NDEL1: variants seen among roughly 807,000 people sequenced by gnomAD.
The protein encoded by NDEL1 is nuclear distribution protein nudE-like 1.
NDEL1 carries 9 observed loss-of-function variants against 45.7 expected under a neutral mutation model. The observed-to-expected ratio is 0.20, with a 90% confidence interval of 0.12 to 0.34. The LOEUF is 0.34. Ranked by LOEUF, NDEL1 falls within the 10% of genes least tolerant of loss-of-function variation. NDEL1 has a pLI of 1.00. For synonymous variants in NDEL1, 133 were observed against 158.6 expected (o/e 0.84, Z 1.21); for missense variants, 306 against 406.2 (o/e 0.75, Z 2.12).
chr17:8,463,136 C>G, intron 8 of NDEL1: 1 of 496,628 alleles, frequency 2.0e-6, no homozygotes, highest in Non-Finnish European at 3.6e-6. Flanking sequence ...CGCTTGGAGT[C>G]TCTCAAAAAC....
At chr17:8,435,809 C>T (rs1909271229), upstream of NDEL1, 1 of 433,644 alleles carries the variant, frequency 2.3e-6, no homozygotes, top group Non-Finnish European at 4.6e-6. Context: ...CACCCCGCCC[C>T]GCATACCCGT....
intron 1 of NDEL1, among the ~76,000 whole-genome samples, chr17:8,418,621 GGCT>G (rs1233892152): frequency 6.6e-6 from 1 of 151,622 alleles, no homozygotes; most frequent in Non-Finnish European, 1.5e-5. Context: ...AAAAGTTTAT[GGCT>G]GCTTCCTTCC....
At chr17:8,449,409 G>A (rs997448030) in intron 5 of NDEL1, among the ~76,000 whole-genome samples, 9 of 152,218 alleles carry the variant, frequency 5.9e-5, no homozygotes, top group African/African-American at 2.2e-4. Context: ...GATTATGGGT[G>A]TGAGCCACTG....
At chr17:8,434,801 G>A (rs1157263486), upstream of NDEL1, among the ~76,000 whole-genome samples, 1 of 152,036 alleles carries the variant, frequency 6.6e-6, no homozygotes, top group East Asian at 1.9e-4. Context: ...GCCGGGCGCT[G>A]TGTCTCACGC....
At chr17:8,417,363 C>A (rs1170836173) in intron 1 of NDEL1, among the ~76,000 whole-genome samples, 1 of 152,190 alleles carries the variant, frequency 6.6e-6, no homozygotes, top group East Asian at 1.9e-4. Context: ...CCACTGTGCG[C>A]AGCCTCTTTT....
At chr17:8,449,114 C>G (rs780099007) in intron 5 of NDEL1, among the ~76,000 whole-genome samples, 1 of 152,204 alleles carries the variant, frequency 6.6e-6, no homozygotes, top group African/African-American at 2.4e-5. Context: ...TCTCGAGTAG[C>G]TGGGATTACA....
At chr17:8,460,227 A>G in intron 8 of NDEL1, 67 bp downstream of exon 8, 1 of 1,517,850 alleles carries the variant, frequency 6.6e-7, no homozygotes, top group Admixed American at 2.1e-5. Flanking sequence ...AAGTGAGCAT[A>G]ATGAAGCCTT....
chr17:8,454,669 T>A (rs1442454013), intron 6 of NDEL1, 127 bp from the exon 7 acceptor site: 1 of 692,696 alleles, frequency 1.4e-6, no homozygotes, highest in East Asian at 2.6e-5. Context: ...GTATCTATAC[T>A]TTATCCATAG....
chr17:8,446,743 G>C lies in NDEL1; in HGVS notation c.241-11G>C, dbSNP rs1343132594. The C allele has an allele frequency of 6.2e-6, 10 of 1,613,186 alleles. No individual in the cohort carries two copies. The highest frequency in any genetic ancestry group is 7.6e-6 in the Non-Finnish European group (9 of 1,179,662). On this transcript the variant is annotated splice_polypyrimidine_tract_variant and intron_variant, in intron 3 of 8. Transcript: ENST00000334527. ...TTAATGACATGTACTTTCCTATACT[G>C]ATGCCCTCAGGAGAAGCTAGAGCAT...
chr17:8,416,936 C>T lies in NDEL1; in HGVS notation c.-13+3667C>T, dbSNP rs74252625. Among the ~76,000 whole-genome samples, 142 of 152,250 alleles carry T rather than the reference C, an allele frequency of 9.3e-4. 2 individuals carry two copies. In the East Asian group the frequency reaches 0.026, roughly 28 times the overall value. ...AAATGAATATTTTAATTTCAACCCTCATTGATTTTTAAAAAGCGCTCTTGT... is the reference window on the plus strand; with the variant it reads ...AAATGAATATTTTAATTTCAACCCTTATTGATTTTTAAAAAGCGCTCTTGT... On this transcript the variant is annotated intron_variant, in intron 1 of 4. Coordinates refer to the NDEL1 transcript ENST00000582812.
chr17:8,458,548 C>CTGTG (rs112741158), intron 7 of NDEL1, among the ~76,000 whole-genome samples: 5,812 of 149,994 alleles, frequency 0.039, 184 homozygotes, highest in Admixed American at 0.086. Flanking sequence ...TCAATTTCTA[C>CTGTG]TGTGTGTGTG....
At chr17:8,428,998 T>G (rs1908937322) in intron 1 of NDEL1, among the ~76,000 whole-genome samples, 3 of 152,208 alleles carry the variant, frequency 2.0e-5, no homozygotes, top group African/African-American at 7.2e-5. Context: ...AAAAACACAT[T>G]ATTATTAATA....
intron 2 of NDEL1, 26 bp from the exon 3 acceptor site, chr17:8,445,685 G>C (rs369251061): frequency 1.4e-5 from 22 of 1,582,634 alleles, no homozygotes; most frequent in Non-Finnish European, 1.9e-5. Flanking sequence ...AGTGTAACTC[G>C]TCTTTCCCAC....
downstream of NDEL1, among the ~76,000 whole-genome samples, chr17:8,472,915 A>G (rs973803877): frequency 7.2e-5 from 11 of 152,300 alleles, no homozygotes; most frequent in Admixed American, 2.6e-4. Flanking sequence ...GCTGCTGGGT[A>G]GAAGCTGACC....
downstream of NDEL1, among the ~76,000 whole-genome samples, chr17:8,472,794 T>C (rs928940271): frequency 2.6e-5 from 4 of 152,260 alleles, no homozygotes; most frequent in African/African-American, 9.6e-5. Context: ...AGAGCGCTTA[T>C]GGCCCTAAAC....
At chr17:8,441,906 T>G (rs1909759882) in intron 1 of NDEL1, among the ~76,000 whole-genome samples, 1 of 152,228 alleles carries the variant, frequency 6.6e-6, no homozygotes, top group East Asian at 1.9e-4. Flanking sequence ...CTGACCTTTT[T>G]TTTTAAGTCT....
downstream of NDEL1, among the ~76,000 whole-genome samples, chr17:8,471,610 T>C (rs1177592702): frequency 6.6e-6 from 1 of 152,240 alleles, no homozygotes; most frequent in Admixed American, 6.5e-5. Context: ...ACTGGGCTGC[T>C]TAGTCTCAGT....
At chr17:8,450,435 G>T (rs1196028478) in intron 5 of NDEL1, among the ~76,000 whole-genome samples, 1 of 152,098 alleles carries the variant, frequency 6.6e-6, no homozygotes, top group African/African-American at 2.4e-5. Context: ...AGTTGATTTT[G>T]CAATAACCCC....
chr17:8,474,315 T>C (rs1912152839), intron 3 of NDEL1: 1 of 152,642 alleles, frequency 6.6e-6, no homozygotes, highest in Admixed American at 6.5e-5. Context: ...AATAAATTTA[T>C]TGTCTTACAA....
Sources: allele counts gnomAD v4.1 joint callset (sites outside exome capture counted in the v4.1 genomes callset), GRCh38; gene constraint gnomAD v4.1.1; transcripts MANE v1.5; gene names NCBI Gene and HGNC (gene_info 2026-07-23, HGNC 2026-07-21).